The following CCSER1 variants were observed in gnomAD, a reference collection of about 807,000 sequenced individuals.
CCSER1 encodes the protein serine-rich coiled-coil domain-containing protein 1.
In CCSER1, 41 loss-of-function variants were observed where a neutral mutation model predicts 82.0. That is an observed-to-expected ratio of 0.50 (90% CI 0.39 to 0.65). The LOEUF is 0.65. Among genes scored for constraint, CCSER1 ranks in the 30% least tolerant of loss-of-function variants. The pLI, the probability that CCSER1 is intolerant of heterozygous loss-of-function variation, is 0.00. For missense variants in CCSER1, 1,119 were observed against 1,064.2 expected, an observed-to-expected ratio of 1.05 and a Z score of -0.72; for synonymous variants, 414 against 383.9, an observed-to-expected ratio of 1.08 and a Z score of -0.92.
At chr4:91,041,982 C>G (rs1017183412) in intron 9 of CCSER1, among the ~76,000 whole-genome samples, 7 of 152,092 alleles carry the variant, frequency 4.6e-5, no homozygotes, top group African/African-American at 1.7e-4. Flanking sequence ...CCATGGTCTT[C>G]CTTTTGATGT....
chr4:90,902,139 T>A (rs1420804937), intron 8 of CCSER1, among the ~76,000 whole-genome samples: 2 of 151,910 alleles, frequency 1.3e-5, no homozygotes, highest in Non-Finnish European at 2.9e-5. Context: ...AAGTTCTATT[T>A]TTTTTATTTT....
At chr4:91,038,084 A>T (rs1222555274) in intron 9 of CCSER1, among the ~76,000 whole-genome samples, 1 of 152,188 alleles carries the variant, frequency 6.6e-6, no homozygotes, top group African/African-American at 2.4e-5. Flanking sequence ...GTCAATTGAA[A>T]GGTACCCTGT....
intron 1 of CCSER1, among the ~76,000 whole-genome samples, chr4:90,307,007 A>T (rs1303590591): frequency 6.6e-6 from 1 of 152,206 alleles, no homozygotes; most frequent in African/African-American, 2.4e-5. Flanking sequence ...TGAATGCAGT[A>T]TGTATCATGC....
chr4:90,272,873 T>C (rs1443119049), intron 1 of CCSER1, among the ~76,000 whole-genome samples: 1 of 152,014 alleles, frequency 6.6e-6, no homozygotes, highest in Non-Finnish European at 1.5e-5. Flanking sequence ...CATGGTGGCA[T>C]GCGCCTGTAA....
At chr4:90,138,739 C>T (rs969296797) in intron 1 of CCSER1, among the ~76,000 whole-genome samples, 1 of 151,818 alleles carries the variant, frequency 6.6e-6, no homozygotes, top group Non-Finnish European at 1.5e-5. Context: ...TTCTAGGGTA[C>T]ATATGCACAA....
chr4:90,532,032 AAT>A (rs1045853063), intron 5 of CCSER1, among the ~76,000 whole-genome samples: 1 of 152,134 alleles, frequency 6.6e-6, no homozygotes, highest in Non-Finnish European at 1.5e-5. Context: ...GAATAAAGAA[AAT>A]ATGTTTGTAA....
chr4:91,093,701 CT>C (rs1724207510), intron 10 of CCSER1, among the ~76,000 whole-genome samples: 1 of 152,210 alleles, frequency 6.6e-6, no homozygotes, highest in African/African-American at 2.4e-5. Flanking sequence ...CATTTTTTCT[CT>C]TTCTGACACA....
chr4:90,603,707 A>T (rs1398878253), intron 5 of CCSER1, among the ~76,000 whole-genome samples: 1 of 152,188 alleles, frequency 6.6e-6, no homozygotes, highest in Non-Finnish European at 1.5e-5. Context: ...CTAGAAACGT[A>T]ATGGCTCACA....
At chr4:91,545,869 A>C (rs1761863986) in intron 10 of CCSER1, among the ~76,000 whole-genome samples, 1 of 152,152 alleles carries the variant, frequency 6.6e-6, no homozygotes, top group African/African-American at 2.4e-5. Flanking sequence ...TCTTTATCTT[A>C]GAAAGAAAAC....
At chr4:91,224,768 T>C (rs899485393) in intron 10 of CCSER1, among the ~76,000 whole-genome samples, 2 of 152,016 alleles carry the variant, frequency 1.3e-5, no homozygotes, top group Non-Finnish European at 2.9e-5. Context: ...ATGAGAATAT[T>C]TCCTTTCCAA....
chr4:90,167,518 C>A (rs1246405579), intron 1 of CCSER1, among the ~76,000 whole-genome samples: 1 of 152,086 alleles, frequency 6.6e-6, no homozygotes, highest in Non-Finnish European at 1.5e-5. Flanking sequence ...TACATGTGCA[C>A]AATGTGCAGG....
chr4:91,039,107 C>A (rs900485672), intron 9 of CCSER1, among the ~76,000 whole-genome samples: 1 of 152,176 alleles, frequency 6.6e-6, no homozygotes, highest in African/African-American at 2.4e-5. Context: ...TAGCTCACTG[C>A]AGCCTCAACC....
intron 10 of CCSER1, chr4:91,112,868 G>A (rs1410875021): frequency 6.6e-6 from 1 of 151,980 alleles, no homozygotes; most frequent in African/African-American, 2.4e-5. Context: ...CAAAGATAAG[G>A]GCTAAACTTC....
chr4:90,651,413 A>G (rs1728716862), intron 6 of CCSER1, among the ~76,000 whole-genome samples: 1 of 152,196 alleles, frequency 6.6e-6, no homozygotes, highest in Admixed American at 6.5e-5. Flanking sequence ...GCTGGAAACC[A>G]TCATTCTCAG....
chr4:91,472,239 A>G (rs966161686), intron 10 of CCSER1, among the ~76,000 whole-genome samples: 1 of 152,164 alleles, frequency 6.6e-6, no homozygotes, highest in African/African-American at 2.4e-5. Flanking sequence ...ACAGGCTGTT[A>G]TGATAGCATC....
chr4:90,143,264 A>T (rs1357321059), intron 1 of CCSER1, among the ~76,000 whole-genome samples: 1 of 152,040 alleles, frequency 6.6e-6, no homozygotes, highest in African/African-American at 2.4e-5. Flanking sequence ...ATTTCTTCTC[A>T]AGCTTCATCT....
Position 90,327,077 on chromosome 4 carries a change from G to A in CCSER1, c.1509+14030G>A, listed in dbSNP as rs183220105. 2.5e-3 allele frequency among the ~76,000 whole-genome samples: 387 copies of A among 152,254 alleles called. 2 individuals carry two copies. The highest frequency in any genetic ancestry group is 8.8e-3 in the African/African-American group (364 of 41,554). ...TTGTTTGCTAGGAAGTCTGTCATTA[G>A]TATGTTTCCAAAGAGATCCTACCAG... On this transcript the variant is annotated intron_variant, in intron 3 of 10. Transcript: ENST00000509176.
At chr4:90,957,790 A>T (rs916783162) in intron 9 of CCSER1, among the ~76,000 whole-genome samples, 1 of 150,144 alleles carries the variant, frequency 6.7e-6, no homozygotes, top group African/African-American at 2.5e-5. Context: ...CTGATGGAGA[A>T]CGCTTGTTTA....
chr4:90,228,368 C>T (rs1180867127), intron 1 of CCSER1, among the ~76,000 whole-genome samples: 1 of 152,132 alleles, frequency 6.6e-6, no homozygotes, highest in African/African-American at 2.4e-5. Context: ...GGCAGACTGA[C>T]ACCTCACAGG....
Sources: allele counts gnomAD v4.1 joint callset (sites outside exome capture counted in the v4.1 genomes callset), GRCh38; gene constraint gnomAD v4.1.1; transcripts MANE v1.5; gene names NCBI Gene and HGNC (gene_info 2026-07-23, HGNC 2026-07-21).